The following SEMA6D variants were observed in gnomAD, a reference collection of about 807,000 sequenced individuals.
SEMA6D encodes the protein semaphorin-6D.
A neutral mutation model predicts 106.6 loss-of-function variants in SEMA6D; 35 were observed. The observed-to-expected ratio is 0.33, with a 90% CI of 0.25 to 0.44. The LOEUF is 0.44. Among genes scored for constraint, SEMA6D ranks in the 20% least tolerant of loss-of-function variants. The pLI is 1.00. For synonymous variants in SEMA6D, 499 were observed against 487.7 expected (o/e 1.02, Z -0.31); for missense variants, 1,185 against 1,345.9 (o/e 0.88, Z 1.87).
chr15:47,224,990 C>CT (rs145940904), intron 1 of SEMA6D, among the ~76,000 whole-genome samples: 4,655 of 151,874 alleles, frequency 0.031, 245 homozygotes, highest in African/African-American at 0.11. Context: ...CGAATACCCA[C>CT]TTTTTTCCTC....
At chr15:47,661,676 T>TTG (rs1259857100) in intron 4 of SEMA6D, among the ~76,000 whole-genome samples, 1 of 152,230 alleles carries the variant, frequency 6.6e-6, no homozygotes, top group Non-Finnish European at 1.5e-5. Flanking sequence ...AATGACCAGC[T>TTG]TGTGTCCTGA....
intron 3 of SEMA6D, among the ~76,000 whole-genome samples, chr15:47,490,145 T>G (rs1179268303): frequency 6.6e-6 from 1 of 152,216 alleles, no homozygotes; most frequent in East Asian, 1.9e-4. Flanking sequence ...CTTACCTGTT[T>G]GTTATTCTCC....
intron 4 of SEMA6D, among the ~76,000 whole-genome samples, chr15:47,614,644 C>G (rs141525383): frequency 2.0e-5 from 3 of 152,236 alleles, no homozygotes; most frequent in African/African-American, 7.2e-5. Context: ...CTTTGGTGCA[C>G]GTATCAACTC....
At chr15:47,415,366 T>C (rs990933582) in intron 2 of SEMA6D, among the ~76,000 whole-genome samples, 1 of 152,164 alleles carries the variant, frequency 6.6e-6, no homozygotes, top group East Asian at 1.9e-4. Flanking sequence ...ATACAATCCC[T>C]GTCAGTAAGG....
chr15:47,575,966 G>T (rs1162330979), intron 3 of SEMA6D, among the ~76,000 whole-genome samples: 1 of 152,294 alleles, frequency 6.6e-6, no homozygotes, highest in East Asian at 1.9e-4. Flanking sequence ...GGCTGGAAAA[G>T]GAGCCACGAT....
intron 1 of SEMA6D, among the ~76,000 whole-genome samples, chr15:47,722,502 G>T (rs559266908): frequency 1.3e-5 from 2 of 151,888 alleles, no homozygotes; most frequent in East Asian, 3.9e-4. Flanking sequence ...TAAGATATCT[G>T]TTATAGTAGC....
chr15:47,645,693 T>G lies in SEMA6D; in HGVS notation c.-55+44797T>G, dbSNP rs138395844. ...GCATCAGGTCACACAGGTTGAGGGC[T>G]CAGTCCCACAAGACTGTCCCACTTC... On this transcript the variant is annotated intron_variant, in intron 4 of 19. Transcript: ENST00000558014. Among the ~76,000 whole-genome samples, 501 of 152,188 alleles carry G rather than the reference T, an allele frequency of 3.3e-3. 1 individual carries two copies. The highest frequency in any genetic ancestry group is 5.4e-3 in the Non-Finnish European group (364 of 68,012).
intron 1 of SEMA6D, among the ~76,000 whole-genome samples, chr15:47,306,132 C>G (rs923502322): frequency 6.6e-6 from 1 of 152,052 alleles, no homozygotes; most frequent in Non-Finnish European, 1.5e-5. Flanking sequence ...CAGGCACACA[C>G]CACCATGCCC....
At chr15:47,191,805 G>C (rs1002158238) in intron 1 of SEMA6D, among the ~76,000 whole-genome samples, 2 of 152,170 alleles carry the variant, frequency 1.3e-5, no homozygotes, top group African/African-American at 4.8e-5. Flanking sequence ...GAAGCTAAAA[G>C]TCAGGTATAA....
chr15:47,368,135 T>C (rs1462337032), intron 1 of SEMA6D, among the ~76,000 whole-genome samples: 1 of 152,188 alleles, frequency 6.6e-6, no homozygotes, highest in East Asian at 1.9e-4. Context: ...ACTGAAGCCA[T>C]TGCAATAGTC....
At chr15:47,475,392 A>G (rs1343919994) in intron 3 of SEMA6D, among the ~76,000 whole-genome samples, 2 of 152,206 alleles carry the variant, frequency 1.3e-5, no homozygotes, top group South Asian at 2.1e-4. Flanking sequence ...TGAAGGTTCT[A>G]TTCAAACTCA....
intron 1 of SEMA6D, among the ~76,000 whole-genome samples, chr15:47,361,118 TC>T (rs1160046798): frequency 6.6e-6 from 1 of 152,210 alleles, no homozygotes; most frequent in African/African-American, 2.4e-5. Flanking sequence ...CTTTGGGTGT[TC>T]TCTTCCTTCT....
chr15:47,417,369 A>G (rs1192363663), intron 2 of SEMA6D, among the ~76,000 whole-genome samples: 1 of 151,562 alleles, frequency 6.6e-6, no homozygotes, highest in East Asian at 1.9e-4. Flanking sequence ...ATGGTTATGT[A>G]CTTTACCTTT....
At chr15:47,487,510 A>C (rs926949587) in intron 3 of SEMA6D, among the ~76,000 whole-genome samples, 1 of 152,220 alleles carries the variant, frequency 6.6e-6, no homozygotes, top group Admixed American at 6.5e-5. Context: ...ATATCTATAC[A>C]TGTATGTGTA....
intron 3 of SEMA6D, among the ~76,000 whole-genome samples, chr15:47,526,653 A>G (rs1045055058): frequency 5.2e-4 from 79 of 152,136 alleles, no homozygotes; most frequent in African/African-American, 1.8e-3. Flanking sequence ...CCTGCCAGAA[A>G]TGGTTTATGT....
chr15:47,218,655 A>G (rs2030894895), intron 1 of SEMA6D, among the ~76,000 whole-genome samples: 1 of 152,210 alleles, frequency 6.6e-6, no homozygotes, highest in East Asian at 1.9e-4. Context: ...ATGCTATGAT[A>G]GCCAAAGCAA....
intron 1 of SEMA6D, among the ~76,000 whole-genome samples, chr15:47,329,982 G>A (rs1038976311): frequency 3.3e-5 from 5 of 152,128 alleles, no homozygotes; most frequent in African/African-American, 7.2e-5. Context: ...GATTAAAACC[G>A]TGCTAAACTG....
chr15:47,501,493 A>G (rs1417218919), intron 3 of SEMA6D, among the ~76,000 whole-genome samples: 2 of 152,224 alleles, frequency 1.3e-5, no homozygotes, highest in African/African-American at 2.4e-5. Flanking sequence ...TAAATGGGAC[A>G]TCGTTCTGTC....
intron 1 of SEMA6D, among the ~76,000 whole-genome samples, chr15:47,301,621 C>T (rs2036023489): frequency 6.6e-6 from 1 of 152,238 alleles, no homozygotes; most frequent in South Asian, 2.1e-4. Flanking sequence ...CTGCCTTTAG[C>T]AGGAAGCAGG....
Sources: allele counts gnomAD v4.1 joint callset (sites outside exome capture counted in the v4.1 genomes callset), GRCh38; gene constraint gnomAD v4.1.1; transcripts MANE v1.5; gene names NCBI Gene and HGNC (gene_info 2026-07-23, HGNC 2026-07-21).